C8B: variants seen among roughly 807,000 people sequenced by gnomAD.
C8B encodes complement component C8 beta chain.
C8B carries 67 observed loss-of-function variants against 64.6 expected under a neutral mutation model. That is an observed-to-expected ratio of 1.04 (90% CI 0.85 to 1.27). The LOEUF is 1.27. C8B is among the 50% of genes most tolerant of loss of function. C8B has a pLI of 0.00. For synonymous variants in C8B, 284 were observed against 257.7 expected (o/e 1.10, Z -0.98); for missense variants, 790 against 725.2 (o/e 1.09, Z -1.03).
intron 9 of C8B, among the ~76,000 whole-genome samples, chr1:56,935,353 T>C (rs1644761407): frequency 6.6e-6 from 1 of 152,194 alleles, no homozygotes; most frequent in South Asian, 2.1e-4. Context: ...CCTGTCTTTT[T>C]TGTTCTCTCC....
chr1:56,933,893 T>C (rs1644738702), intron 9 of C8B, among the ~76,000 whole-genome samples: 2 of 152,130 alleles, frequency 1.3e-5, no homozygotes, highest in African/African-American at 4.8e-5. Flanking sequence ...CATCTATCTT[T>C]GGTGGGGCAG....
intron 8 of C8B, among the ~76,000 whole-genome samples, chr1:56,943,268 A>T (rs757779316): frequency 1.5e-4 from 23 of 152,128 alleles, no homozygotes; most frequent in Non-Finnish European, 2.8e-4. Flanking sequence ...CTGGAAAGAC[A>T]CTTGTACGTG....
At chr1:56,959,110 C>A (rs541346372) in intron 2 of C8B, among the ~76,000 whole-genome samples, 1 of 152,294 alleles carries the variant, frequency 6.6e-6, no homozygotes, top group Admixed American at 6.5e-5. Context: ...ACTAGGTGAA[C>A]TCAAGAAGCC....
At chr1:56,937,185 C>T (rs1033359711) in intron 9 of C8B, among the ~76,000 whole-genome samples, 4 of 152,152 alleles carry the variant, frequency 2.6e-5, no homozygotes, top group Non-Finnish European at 4.4e-5. Context: ...TGACCAGTGA[C>T]AGGTGAGAAG....
intron 7 of C8B, among the ~76,000 whole-genome samples, chr1:56,944,998 G>A (rs904842698): frequency 6.6e-6 from 1 of 152,200 alleles, no homozygotes; most frequent in African/African-American, 2.4e-5. Flanking sequence ...GAATTACAGG[G>A]GAGGGATGGG....
chr1:56,942,517 C>G (rs563375052), intron 8 of C8B, among the ~76,000 whole-genome samples: 1 of 152,142 alleles, frequency 6.6e-6, no homozygotes, highest in East Asian at 1.9e-4. Flanking sequence ...GCCTGGCCAA[C>G]AACATGGCGA....
At chr1:56,938,243 C>T (rs963560851) in intron 9 of C8B, among the ~76,000 whole-genome samples, 2 of 152,154 alleles carry the variant, frequency 1.3e-5, no homozygotes, top group Admixed American at 6.5e-5. Flanking sequence ...CTGTCTCTTG[C>T]GTCTGCATTT....
Position 56,929,502 on chromosome 1 carries a change from T to G in C8B, c.1678A>C (p.Arg560=). 1 of 1,613,896 alleles carries G rather than the reference T, an allele frequency of 6.2e-7. No homozygotes were observed. Among genetic ancestry groups the G allele is most frequent in the Non-Finnish European group, 8.5e-7 (1 of 1,179,930 alleles). ...CACTGCCTTTGTCTTGTCTTACGTC[T>G]TCCAGAGCATGAAGACCAATTTGAC... The part of the protein sequence containing the change: ...CWSNWSSCSG[R]RKTRQRQCNN... The change falls in exon 12 of 12, where the codon AGA becomes CGA. Residue 560 remains arginine, a synonymous_variant. Coordinates refer to ENST00000371237, the MANE Select transcript of C8B (RefSeq NM_000066.4).
At chr1:56,964,427 G>C (rs115501632) in intron 1 of C8B, among the ~76,000 whole-genome samples, 1 of 152,166 alleles carries the variant, frequency 6.6e-6, no homozygotes, top group East Asian at 1.9e-4. Context: ...ACTTCCTGCC[G>C]GGACCTGTGT....
chr1:56,950,259 A>T (rs1330253109), intron 5 of C8B, among the ~76,000 whole-genome samples: 1 of 152,168 alleles, frequency 6.6e-6, no homozygotes, highest in Non-Finnish European at 1.5e-5. Flanking sequence ...ATGATGTGGG[A>T]CAACCTGGTG....
At chr1:56,959,505 AG>A (rs1174567457) in intron 2 of C8B, 1 of 1,334,208 alleles carries the variant, frequency 7.5e-7, no homozygotes, top group East Asian at 2.5e-5. Context: ...TCACCAGTGA[AG>A]GAAGTGGGAA....
intron 11 of C8B, among the ~76,000 whole-genome samples, chr1:56,930,763 G>A (rs1644689421): frequency 6.6e-6 from 1 of 152,148 alleles, no homozygotes; most frequent in Non-Finnish European, 1.5e-5. Context: ...GGGTTGTTGT[G>A]AGGATTAAAG....
At chr1:56,931,967 C>A in intron 10 of C8B, 89 bp from the exon 11 acceptor site, 1 of 878,308 alleles carries the variant, frequency 1.1e-6, no homozygotes, top group South Asian at 1.4e-5. Flanking sequence ...GCAGTTCCAT[C>A]AGGTTAAAAC....
At chr1:56,949,843 T>G in intron 5 of C8B, 91 bp from the exon 6 acceptor site, 2 of 861,546 alleles carry the variant, frequency 2.3e-6, no homozygotes, top group Non-Finnish European at 3.8e-6. Flanking sequence ...TCCTACCATG[T>G]GCTGGATACT....
intron 2 of C8B, among the ~76,000 whole-genome samples, chr1:56,958,780 A>G (rs920081549): frequency 6.6e-5 from 10 of 152,282 alleles, no homozygotes; most frequent in African/African-American, 2.4e-4. Context: ...CTTCAGCAAT[A>G]AAACCTACTT....
chr1:56,956,978 G>T, intron 2 of C8B, 68 bp from the exon 3 acceptor site: 1 of 1,567,540 alleles, frequency 6.4e-7, no homozygotes, highest in South Asian at 1.1e-5. Context: ...GGGATACTCT[G>T]TGTAAATGGG....
At chr1:56,965,776 A>G (rs1238785920) in intron 1 of C8B, 81 bp downstream of exon 1, 11 of 1,491,820 alleles carry the variant, frequency 7.4e-6, no homozygotes, top group Non-Finnish European at 1.0e-5. Context: ...TAGGCATGCA[A>G]CAAAGAGATG....
At chr1:56,943,106 A>T (rs1055085128) in intron 8 of C8B, among the ~76,000 whole-genome samples, 30 of 151,648 alleles carry the variant, frequency 2.0e-4, no homozygotes, top group East Asian at 1.2e-3. Flanking sequence ...AAAAATAAAT[A>T]AAAAAAAGCT....
intron 1 of C8B, among the ~76,000 whole-genome samples, chr1:56,965,307 C>A (rs1645237252): frequency 6.6e-6 from 1 of 151,896 alleles, no homozygotes; most frequent in Non-Finnish European, 1.5e-5. Context: ...TTGTTTTGCA[C>A]CTTGTTAATG....
Sources: allele counts gnomAD v4.1 joint callset (sites outside exome capture counted in the v4.1 genomes callset), GRCh38; gene constraint gnomAD v4.1.1; transcripts MANE v1.5; gene names NCBI Gene and HGNC (gene_info 2026-07-23, HGNC 2026-07-21).